The following AFF2 variants were observed in gnomAD, a reference collection of about 807,000 sequenced individuals.
The protein encoded by AFF2 is ALF transcription elongation factor 2, also known as AF4/FMR2 family member 2.
Under a neutral mutation model 76.9 loss-of-function variants are expected in AFF2, and 14 were observed. The ratio of observed to expected loss-of-function variants is 0.18; its 90% CI spans 0.12 to 0.28. The LOEUF (loss-of-function observed/expected upper bound fraction) is 0.28. Ranked by LOEUF, AFF2 falls within the 10% of genes least tolerant of loss-of-function variation. The pLI is 1.00. For synonymous variants in AFF2, 398 were observed against 366.7 expected, an observed-to-expected ratio of 1.09 and a Z score of -0.98; for missense variants, 868 against 1,001.1, an observed-to-expected ratio of 0.87 and a Z score of 1.79.
At chrX:148,516,285 C>T (rs1447867389) in intron 1 of AFF2, among the ~76,000 whole-genome samples, 2 of 111,597 alleles carry the variant, frequency 1.8e-5, no homozygotes, top group African/African-American at 3.3e-5. Flanking sequence ...CAGGGAGAGG[C>T]GTCTTTATCT....
intron 4 of AFF2, among the ~76,000 whole-genome samples, chrX:148,833,261 C>T (rs73607910): frequency 0.011 from 1,237 of 111,606 alleles, 16 homozygotes; most frequent in African/African-American, 0.039. Flanking sequence ...ATTCGCATGT[C>T]AGGCAGTGAA....
intron 1 of AFF2, among the ~76,000 whole-genome samples, chrX:148,514,173 A>G (rs1291744629): frequency 8.9e-6 from 1 of 112,133 alleles, no homozygotes; most frequent in Non-Finnish European, 1.9e-5. Context: ...AACAATGACA[A>G]TAACCGGAAA....
chrX:148,632,863 G>A (rs1395661452), intron 1 of AFF2, among the ~76,000 whole-genome samples: 1 of 111,995 alleles, frequency 8.9e-6, no homozygotes, highest in Non-Finnish European at 1.9e-5. Context: ...ATCTGCTCAA[G>A]GTCACTGAGC....
At chrX:148,512,808 A>G (rs1404809050) in intron 1 of AFF2, among the ~76,000 whole-genome samples, 1 of 112,535 alleles carries the variant, frequency 8.9e-6, no homozygotes, top group East Asian at 2.8e-4. Flanking sequence ...TCTCATAATC[A>G]GATTTAGCAA....
chrX:148,971,747 C>CTTTTTTTTTTTTTTTTTTTT (rs781928514), intron 15 of AFF2, among the ~76,000 whole-genome samples: 2 of 44,729 alleles, frequency 4.5e-5, no homozygotes, highest in African/African-American at 9.5e-5. Flanking sequence ...TTTTCTATTT[C>CTTTTTTTTTTTTTTTTTTTT]TTTTTTTTTT....
intron 9 of AFF2, among the ~76,000 whole-genome samples, chrX:148,951,087 T>A (rs1344782509): frequency 9.0e-6 from 1 of 111,137 alleles, no homozygotes; most frequent in African/African-American, 3.3e-5. Flanking sequence ...TTTTTAAAAT[T>A]AAAAACATCC....
At chrX:148,839,894 GGTGTGTGTGTGTGTGTGTGTGTGTGTGT>G (rs200060298) in intron 5 of AFF2, among the ~76,000 whole-genome samples, 1 of 87,022 alleles carries the variant, frequency 1.1e-5, no homozygotes, top group African/African-American at 4.1e-5. Context: ...GTTGGGGCAT[GGTGTGTGTGTGTGTGTGTGTGTGTGTGT>G]GTGTGTGTGT....
intron 3 of AFF2, among the ~76,000 whole-genome samples, chrX:148,708,607 G>A (rs1454825793): frequency 2.7e-5 from 3 of 112,116 alleles, no homozygotes; most frequent in African/African-American, 9.7e-5. Context: ...CCAGATACTC[G>A]AGCGACTGAG....
chrX:148,662,861 ACCTT>A, intron 3 of AFF2, 93 bp downstream of exon 3: 4 of 957,323 alleles, frequency 4.2e-6, no homozygotes, highest in Non-Finnish European at 5.7e-6. Flanking sequence ...GCTCTCATTT[ACCTT>A]AATGAGCTGT....
chrX:148,697,720 A>G (rs782723666), intron 3 of AFF2, among the ~76,000 whole-genome samples: 1 of 111,183 alleles, frequency 9.0e-6, no homozygotes, highest in South Asian at 3.8e-4. Context: ...ATTTGAGGTT[A>G]TTTGATGTAT....
chrX:148,911,711 C>A (rs2071471262), intron 9 of AFF2, among the ~76,000 whole-genome samples: 1 of 112,172 alleles, frequency 8.9e-6, no homozygotes, highest in African/African-American at 3.2e-5. Flanking sequence ...AAAGTGGCTT[C>A]ATTCCATTTA....
chrX:148,934,553 T>C (rs1252005657), intron 9 of AFF2, among the ~76,000 whole-genome samples: 1 of 112,319 alleles, frequency 8.9e-6, no homozygotes, highest in Admixed American at 9.4e-5. Flanking sequence ...AAATTTCATA[T>C]AAGAATTAAT....
chrX:148,535,190 A>G (rs2052770593), intron 1 of AFF2, among the ~76,000 whole-genome samples: 1 of 111,999 alleles, frequency 8.9e-6, no homozygotes. Flanking sequence ...TGCTACCACC[A>G]TCATTGTGGT....
chrX:148,551,983 C>T (rs888689040), intron 1 of AFF2, among the ~76,000 whole-genome samples: 1 of 112,276 alleles, frequency 8.9e-6, no homozygotes, highest in Admixed American at 9.4e-5. Flanking sequence ...ACCAATACTC[C>T]GGAGAGCTTT....
At chrX:148,926,176 G>A (rs1243003881) in intron 9 of AFF2, among the ~76,000 whole-genome samples, 1 of 111,693 alleles carries the variant, frequency 9.0e-6, no homozygotes, top group Non-Finnish European at 1.9e-5. Flanking sequence ...GCCTTATCTT[G>A]CAGCTCTACT....
chrX:148,743,511 G>A (rs1273589787), intron 3 of AFF2, among the ~76,000 whole-genome samples: 1 of 111,962 alleles, frequency 8.9e-6, no homozygotes, highest in East Asian at 2.8e-4. Flanking sequence ...TGAACATTCG[G>A]TAATGATATT....
At chrX:148,978,650 G>A (rs892452823) in intron 18 of AFF2, among the ~76,000 whole-genome samples, 195 bp downstream of exon 18, 10 of 112,315 alleles carry the variant, frequency 8.9e-5, no homozygotes, top group South Asian at 3.7e-4. Context: ...GAGAAGGCAC[G>A]ATGGTGCAAT....
intron 3 of AFF2, among the ~76,000 whole-genome samples, chrX:148,694,585 G>A (rs1003785889): frequency 9.0e-6 from 1 of 111,235 alleles, no homozygotes; most frequent in African/African-American, 3.3e-5. Flanking sequence ...GCTTTGTTGT[G>A]CCCAAATCAT....
intron 3 of AFF2, among the ~76,000 whole-genome samples, chrX:148,738,994 A>G (rs1411521977): frequency 9.0e-6 from 1 of 111,642 alleles, no homozygotes; most frequent in Non-Finnish European, 1.9e-5. Context: ...ACTTGATATA[A>G]TTTCAATTTT....
Sources: gnomAD v4.1 joint callset for allele counts (sites outside exome capture counted in the v4.1 genomes callset) on GRCh38, gnomAD v4.1.1 for gene constraint, MANE v1.5 for transcripts, NCBI Gene and HGNC (gene_info 2026-07-23, HGNC 2026-07-21) for gene names.